Variants in CACNA2D1 observed in about 807,000 individuals in gnomAD.
The protein encoded by CACNA2D1 is calcium voltage-gated channel auxiliary subunit alpha2delta 1.
In CACNA2D1, 53 loss-of-function variants were observed where a neutral mutation model predicts 171.5. The observed-to-expected ratio is 0.31, with a 90% CI of 0.25 to 0.39. The LOEUF (loss-of-function observed/expected upper bound fraction) is 0.39, where lower values mean the gene tolerates loss of function less well. Among genes scored for constraint, CACNA2D1 ranks in the 10% least tolerant of loss-of-function variants. The pLI is 1.00. For missense variants in CACNA2D1, 903 were observed against 1,299.8 expected (o/e 0.69, Z 4.69); for synonymous variants, 442 against 443.1 (o/e 1.00, Z 0.03).
chr7:82,266,291 T>C (rs1289194530), intron 3 of CACNA2D1, among the ~76,000 whole-genome samples: 1 of 152,208 alleles, frequency 6.6e-6, no homozygotes, highest in Non-Finnish European at 1.5e-5. Context: ...CAGGCTACTT[T>C]GTAGGTCACT....
chr7:82,302,753 T>A (rs2129426702), intron 3 of CACNA2D1, among the ~76,000 whole-genome samples: 1 of 152,202 alleles, frequency 6.6e-6, no homozygotes, highest in South Asian at 2.1e-4. Context: ...ATTCAAGCAA[T>A]AATCCTGAAT....
intron 1 of CACNA2D1, among the ~76,000 whole-genome samples, chr7:82,360,411 T>A (rs1820963782): frequency 1.3e-5 from 2 of 152,166 alleles, no homozygotes; most frequent in Non-Finnish European, 2.9e-5. Flanking sequence ...AATGCTATAA[T>A]TTTTCCTCAC....
At chr7:82,312,509 C>CTTTTTTTT (rs557443177) in intron 3 of CACNA2D1, among the ~76,000 whole-genome samples, 1 of 118,990 alleles carries the variant, frequency 8.4e-6, no homozygotes, top group African/African-American at 3.3e-5. Flanking sequence ...TTAACTGAAA[C>CTTTTTTTT]TTTTTTTTTT....
intron 5 of CACNA2D1, among the ~76,000 whole-genome samples, chr7:82,125,851 T>A (rs1790276315): frequency 1.3e-5 from 2 of 152,208 alleles, no homozygotes; most frequent in Admixed American, 6.6e-5. Context: ...CTTAAGGTTT[T>A]CATACAAAGA....
chr7:82,241,733 T>C (rs1804319560), intron 3 of CACNA2D1, among the ~76,000 whole-genome samples: 1 of 152,158 alleles, frequency 6.6e-6, no homozygotes, highest in Non-Finnish European at 1.5e-5. Flanking sequence ...GAAGGGTTAA[T>C]TCTGGGCCCA....
chr7:81,951,157 G>C (rs1175987121), intron 38 of CACNA2D1, among the ~76,000 whole-genome samples: 4 of 151,994 alleles, frequency 2.6e-5, no homozygotes, highest in Non-Finnish European at 1.5e-5. Flanking sequence ...GATTTGTCTT[G>C]AGACAACCAA....
At chr7:82,087,016 A>C (rs1288644309) in intron 6 of CACNA2D1, among the ~76,000 whole-genome samples, 1 of 152,142 alleles carries the variant, frequency 6.6e-6, no homozygotes, top group African/African-American at 2.4e-5. Flanking sequence ...ATTTCAAAAT[A>C]TTTCTCTCAA....
chr7:82,015,971 G>A (rs1347131110), intron 12 of CACNA2D1, among the ~76,000 whole-genome samples: 1 of 152,150 alleles, frequency 6.6e-6, no homozygotes, highest in Non-Finnish European at 1.5e-5. Flanking sequence ...TACGTAAGAG[G>A]CCACATGGTG....
At chr7:82,331,473 T>C (rs1384177127) in intron 3 of CACNA2D1, among the ~76,000 whole-genome samples, 1 of 152,200 alleles carries the variant, frequency 6.6e-6, no homozygotes, top group Non-Finnish European at 1.5e-5. Context: ...AAAATATTTC[T>C]CTTTGAAATA....
At chr7:82,148,197 T>C (rs1461738029) in intron 4 of CACNA2D1, among the ~76,000 whole-genome samples, 2 of 152,128 alleles carry the variant, frequency 1.3e-5, no homozygotes, top group African/African-American at 2.4e-5. Context: ...TAGTGCATTA[T>C]GTTCCTATAA....
At chr7:82,008,394 C>T (rs1799366753) in intron 15 of CACNA2D1, among the ~76,000 whole-genome samples, 1 of 152,072 alleles carries the variant, frequency 6.6e-6, no homozygotes, top group South Asian at 2.1e-4. Flanking sequence ...AAGACAACTG[C>T]AAGCATCAAA....
chr7:82,363,690 C>T (rs571865544), intron 1 of CACNA2D1, among the ~76,000 whole-genome samples: 3 of 115,480 alleles, frequency 2.6e-5, no homozygotes, highest in Non-Finnish European at 4.1e-5. Context: ...CAACTAAGGG[C>T]GAAATAAGTA....
chr7:82,205,941 T>C (rs1055984834), intron 3 of CACNA2D1, among the ~76,000 whole-genome samples: 3 of 152,146 alleles, frequency 2.0e-5, no homozygotes, highest in Admixed American at 6.5e-5. Context: ...AAAATTTTTT[T>C]GTTAAAAATG....
intron 6 of CACNA2D1, among the ~76,000 whole-genome samples, chr7:82,089,776 G>A (rs527869429): frequency 6.6e-6 from 1 of 152,170 alleles, no homozygotes; most frequent in East Asian, 1.9e-4. Context: ...AATATTTGAC[G>A]AGCTCTGAAT....
At chr7:82,060,167 T>TA (rs1262884277) in intron 10 of CACNA2D1, among the ~76,000 whole-genome samples, 229 of 12,608 alleles carry the variant, frequency 0.018, 17 homozygotes, top group African/African-American at 0.033. Flanking sequence ...ATATATATAA[T>TA]ATATATATAT....
At chr7:82,083,815 A>G (rs1810105822) in intron 7 of CACNA2D1, among the ~76,000 whole-genome samples, 1 of 152,116 alleles carries the variant, frequency 6.6e-6, no homozygotes. Flanking sequence ...ATAATATTAC[A>G]ATCCAAACTT....
intron 1 of CACNA2D1, among the ~76,000 whole-genome samples, chr7:82,419,352 A>G (rs1828497492): frequency 6.6e-6 from 1 of 152,170 alleles, no homozygotes; most frequent in South Asian, 2.1e-4. Context: ...CCCACAGGCC[A>G]CCCTGGCAAC....
chr7:82,081,454 G>C (rs565022081), intron 7 of CACNA2D1, among the ~76,000 whole-genome samples: 1 of 152,130 alleles, frequency 6.6e-6, no homozygotes, highest in Non-Finnish European at 1.5e-5. Flanking sequence ...CTGTCATAAA[G>C]AGCAACTCAG....
chr7:82,085,549 T>C (rs1262718308), intron 6 of CACNA2D1, among the ~76,000 whole-genome samples: 1 of 151,688 alleles, frequency 6.6e-6, no homozygotes, highest in Non-Finnish European at 1.5e-5. Flanking sequence ...AAAAAGTCAT[T>C]GGGCATAGCT....
Sources: gnomAD v4.1 joint callset for allele counts (sites outside exome capture counted in the v4.1 genomes callset) on GRCh38, gnomAD v4.1.1 for gene constraint, MANE v1.5 for transcripts, NCBI Gene and HGNC (gene_info 2026-07-23, HGNC 2026-07-21) for gene names.